Variants in ANKRD11 observed in about 807,000 individuals in gnomAD.
ANKRD11 encodes ankyrin repeat domain 11, also known as ankyrin repeat domain-containing protein 11.
Under a neutral mutation model 195.7 loss-of-function variants are expected in ANKRD11, and 17 were observed. That is an observed-to-expected ratio of 0.09 (90% confidence interval 0.06 to 0.13). ANKRD11 has a LOEUF of 0.13. Among genes scored for constraint, ANKRD11 ranks in the 10% least tolerant of loss-of-function variants. ANKRD11 has a pLI of 1.00. For synonymous variants in ANKRD11, 1,953 were observed against 1,528.1 expected, an observed-to-expected ratio of 1.28 and a Z score of -6.49; for missense variants, 3,735 against 3,566.1, an observed-to-expected ratio of 1.05 and a Z score of -1.21.
Position 89,280,294 on chromosome 16 carries a change from G to A in ANKRD11, c.6248C>T (p.Pro2083Leu). Residue 2083 changes from proline to leucine, a missense_variant, in exon 9 of 13, where the codon CCC becomes CTC. Physicochemically the swap from Pro to Leu is moderately conservative, Grantham distance 98. Coordinates refer to ENST00000301030, the MANE Select transcript of ANKRD11 (RefSeq NM_013275.6). Reference protein sequence around the residue: ...PEAPLDVAPEPACVAAVAQVE... With the variant: ...PEAPLDVAPELACVAAVAQVE... ...CTGAGCCACAGCGGCTACACAGGCG[G>A]GCTCGGGGGCCACGTCCAGCGGGGC... is the stretch of plus-strand genomic sequence containing the variant. The A allele has an allele frequency of 6.3e-7, 1 of 1,599,174 alleles. No homozygotes were observed. The highest frequency in any genetic ancestry group is 8.5e-7 in the Non-Finnish European group (1 of 1,173,462).
At chr16:89,338,276 G>C (rs2038477741) in intron 2 of ANKRD11, among the ~76,000 whole-genome samples, 1 of 152,110 alleles carries the variant, frequency 6.6e-6, no homozygotes. Flanking sequence ...GTGTCCTCCA[G>C]GATGTGGGTC....
intron 12 of ANKRD11, 97 bp downstream of exon 12, chr16:89,270,720 C>T (rs2033070513): frequency 1.6e-6 from 2 of 1,213,700 alleles, no homozygotes; most frequent in Non-Finnish European, 1.2e-6. Context: ...TGGGCAGCGG[C>T]CTCCCCCCAG....
chr16:89,319,223 C>T (rs983646882), intron 2 of ANKRD11, among the ~76,000 whole-genome samples: 48 of 152,374 alleles, frequency 3.2e-4, no homozygotes, highest in African/African-American at 1.0e-3. Context: ...GCGCAGACCC[C>T]ACGGCCTCCG....
chr16:89,489,352 G>C (rs1307942634), intron 1 of ANKRD11, among the ~76,000 whole-genome samples: 1 of 151,832 alleles, frequency 6.6e-6, no homozygotes, highest in Non-Finnish European at 1.5e-5. Flanking sequence ...TTGAGGCCAA[G>C]GGCTGCTGTT....
At chr16:89,374,683 C>A (rs556065855) in intron 2 of ANKRD11, among the ~76,000 whole-genome samples, 1 of 152,264 alleles carries the variant, frequency 6.6e-6, no homozygotes, top group East Asian at 1.9e-4. Flanking sequence ...CAGAGAGCAT[C>A]GGGAAAAGCA....
intron 2 of ANKRD11, among the ~76,000 whole-genome samples, chr16:89,347,478 G>A (rs549699342): frequency 6.6e-6 from 1 of 152,192 alleles, no homozygotes; most frequent in African/African-American, 2.4e-5. Context: ...GGGCGTGGTG[G>A]CAGGCGCCGG....
chr16:89,335,191 C>T (rs574877147), intron 2 of ANKRD11, among the ~76,000 whole-genome samples: 3 of 152,158 alleles, frequency 2.0e-5, no homozygotes, highest in African/African-American at 4.8e-5. Flanking sequence ...GAGCTCAGTG[C>T]GTGCCTTCCC....
intron 2 of ANKRD11, among the ~76,000 whole-genome samples, chr16:89,327,033 G>A (rs1018735800): frequency 2.6e-5 from 4 of 151,814 alleles, no homozygotes; most frequent in South Asian, 2.1e-4. Flanking sequence ...GGAATGCAGA[G>A]GTGGGGAATG....
intron 2 of ANKRD11, among the ~76,000 whole-genome samples, chr16:89,385,807 C>T (rs1260816273): frequency 9.2e-5 from 14 of 152,370 alleles, no homozygotes; most frequent in East Asian, 3.9e-4. Flanking sequence ...TGCCTCACCC[C>T]CGCCGCTGCG....
chr16:89,281,781 C>G lies in ANKRD11; in HGVS notation c.4761G>C (p.Leu1587=), dbSNP rs1278382724. Reference sequence around the variant, plus strand: ...CCTCGATCTCCAGGTCCTTCTGGGACAGCATCCTCTCGAAGCTGGTCATCA... The same window carrying G: ...CCTCGATCTCCAGGTCCTTCTGGGAGAGCATCCTCTCGAAGCTGGTCATCA... ...DLMMTSFERM[L]SQKDLEIEER... is the part of the protein sequence containing the mutation. Residue 1587 remains leucine (L), a synonymous_variant, in exon 9 of 13, where the codon CTG becomes CTC. Coordinates refer to ENST00000301030, the MANE Select transcript of ANKRD11 (RefSeq NM_013275.6). This position sits in a 1 kb window ranked among gnomAD's most constrained non-coding sequence, Gnocchi z 5.5. 6.2e-7 allele frequency: 1 copy of G among 1,613,938 alleles called. No individual in the cohort carries two copies. The highest frequency in any genetic ancestry group is 8.5e-7 in the Non-Finnish European group (1 of 1,180,026).
chr16:89,304,465 C>T (rs915437426), intron 4 of ANKRD11, among the ~76,000 whole-genome samples: 4 of 151,812 alleles, frequency 2.6e-5, no homozygotes, highest in African/African-American at 9.7e-5. Flanking sequence ...CATACTCAGG[C>T]ACACATGGGC....
At chr16:89,275,562 C>A (rs1447646767) in intron 9 of ANKRD11, among the ~76,000 whole-genome samples, 1 of 152,198 alleles carries the variant, frequency 6.6e-6, no homozygotes, top group Non-Finnish European at 1.5e-5. Context: ...GTAGGCTGAG[C>A]TTCCTGTGTT....
intron 1 of ANKRD11, among the ~76,000 whole-genome samples, chr16:89,486,128 T>C (rs575049965): frequency 7.2e-5 from 11 of 152,134 alleles, no homozygotes; most frequent in Non-Finnish European, 1.2e-4. Flanking sequence ...TTCCCACCTT[T>C]ATCTAAGTTA....
intron 2 of ANKRD11, among the ~76,000 whole-genome samples, chr16:89,399,320 G>A (rs985248885): frequency 4.6e-5 from 7 of 152,202 alleles, no homozygotes; most frequent in Non-Finnish European, 8.8e-5. Flanking sequence ...AACACCCGGC[G>A]TCCATCCAGA....
intron 1 of ANKRD11, among the ~76,000 whole-genome samples, chr16:89,482,336 TA>T (rs1012694507): frequency 6.6e-6 from 1 of 151,726 alleles, no homozygotes; most frequent in Non-Finnish European, 1.5e-5. Context: ...CACAAAGACA[TA>T]AAAAAAGATG....
chr16:89,309,242 C>T (rs1207691392), intron 3 of ANKRD11, among the ~76,000 whole-genome samples: 2 of 152,152 alleles, frequency 1.3e-5, no homozygotes, highest in Non-Finnish European at 2.9e-5. Context: ...TGGCCACAGC[C>T]ACGAAGGGAG....
intron 1 of ANKRD11, among the ~76,000 whole-genome samples, chr16:89,487,924 C>T (rs527528846): frequency 7.4e-5 from 11 of 149,608 alleles, no homozygotes; most frequent in African/African-American, 2.7e-4. Flanking sequence ...GGCAGCCGCT[C>T]GTCATCAACA....
chr16:89,337,006 C>CA (rs1567667147), intron 2 of ANKRD11, among the ~76,000 whole-genome samples: 9 of 39,718 alleles, frequency 2.3e-4, no homozygotes, highest in African/African-American at 7.9e-4. Flanking sequence ...CCTGGCTCTA[C>CA]CAAAAAAAAA....
Position 89,456,003 on chromosome 16 carries a change from C to G in ANKRD11, c.-145+34242G>C, listed in dbSNP as rs116902829. 8.3e-3 allele frequency among the ~76,000 whole-genome samples: 1,270 copies of G among 152,232 alleles called. 9 individuals are homozygous for G. The highest frequency in any genetic ancestry group is 0.014 in the Non-Finnish European group (967 of 68,020). ...CTCTAATCCCAGCACTTTTGAGAGG[C>G]TGAAGCTGGCCAATCACCTGAGGTC... On this transcript the variant is annotated intron_variant, in intron 1 of 12. Transcript: ENST00000301030.
Sources: allele counts gnomAD v4.1 joint callset (sites outside exome capture counted in the v4.1 genomes callset), GRCh38; gene constraint gnomAD v4.1.1; non-coding constraint Gnocchi (gnomAD v3.1); transcripts MANE v1.5; gene names NCBI Gene and HGNC (gene_info 2026-07-23, HGNC 2026-07-21).